The following TECRL variants were observed in gnomAD, a reference collection of about 807,000 sequenced individuals.
The protein encoded by TECRL is trans-2,3-enoyl-CoA reductase like, also known as trans-2,3-enoyl-CoA reductase-like.
In TECRL, 63 loss-of-function variants were observed where a neutral mutation model predicts 52.8. The ratio of observed to expected loss-of-function variants is 1.19; its 90% CI spans 0.97 to 1.47. TECRL has a LOEUF of 1.47. Among genes scored for constraint, TECRL ranks in the 40% most tolerant of loss-of-function variants. The pLI is 0.00. For synonymous variants in TECRL, 164 were observed against 141.9 expected (o/e 1.16, Z -1.10); for missense variants, 482 against 429.6 (o/e 1.12, Z -1.08).
chr4:64,313,242 T>C (rs545354873), intron 5 of TECRL, among the ~76,000 whole-genome samples: 7 of 152,152 alleles, frequency 4.6e-5, no homozygotes, highest in Admixed American at 4.6e-4. Context: ...ACCTAAATAC[T>C]TACAATTTGC....
At chr4:64,343,050 T>TA (rs1719700836) in intron 2 of TECRL, among the ~76,000 whole-genome samples, 2 of 151,868 alleles carry the variant, frequency 1.3e-5, no homozygotes, top group East Asian at 1.9e-4. Context: ...ATGTTTCTAA[T>TA]AAAAAATTCA....
intron 2 of TECRL, among the ~76,000 whole-genome samples, chr4:64,339,457 T>A (rs945381263): frequency 2.0e-5 from 3 of 151,702 alleles, no homozygotes; most frequent in African/African-American, 7.3e-5. Flanking sequence ...TATATATATA[T>A]ATATGGAAAA....
chr4:64,292,293 TAAAC>T lies in TECRL; in HGVS notation c.775-2530_775-2527del, dbSNP rs148656382. Reference sequence around the variant, plus strand: ...ACAGTAAGTTTAAAAAGAAATTTAATAAACAAAGTTTGGGGCAGATGCTATGAAG... The same window carrying T: ...ACAGTAAGTTTAAAAAGAAATTTAATAAAGTTTGGGGCAGATGCTATGAAG... On this transcript the variant is annotated intron_variant, in intron 8 of 11. Coordinates refer to ENST00000381210, the MANE Select transcript of TECRL (RefSeq NM_001010874.5). 2.8e-3 allele frequency among the ~76,000 whole-genome samples: 431 copies of T among 152,138 alleles called. 1 individual carries two copies. Among genetic ancestry groups the T allele is most frequent in the African/African-American group, 9.9e-3 (410 of 41,570 alleles).
Position 64,347,480 on chromosome 4 carries a change from A to C in TECRL, c.287-18924T>G, listed in dbSNP as rs528316911. ...AGTTCATTTTCACACAACTGTAAAG[A>C]TACTACCCAAGACAGGCAATTTATA... On this transcript the variant is annotated intron_variant, in intron 2 of 11. Transcript: ENST00000381210. Among the ~76,000 whole-genome samples, 4 of 152,284 alleles carry C rather than the reference A, an allele frequency of 2.6e-5. No homozygotes were observed. The South Asian group carries it at 8.3e-4, about 32-fold the overall frequency.
At chr4:64,377,400 A>G (rs1375115658) in intron 1 of TECRL, among the ~76,000 whole-genome samples, 1 of 152,074 alleles carries the variant, frequency 6.6e-6, no homozygotes, top group Non-Finnish European at 1.5e-5. Flanking sequence ...GACTAAATTG[A>G]TGTCTCAGTG....
chr4:64,309,088 A>G (rs992471173), intron 6 of TECRL, among the ~76,000 whole-genome samples: 1 of 152,128 alleles, frequency 6.6e-6, no homozygotes, highest in African/African-American at 2.4e-5. Flanking sequence ...ATTGATTGTA[A>G]TATCTTCTAT....
chr4:64,304,911 C>T, intron 7 of TECRL: 1 of 269,310 alleles, frequency 3.7e-6, no homozygotes, highest in Non-Finnish European at 6.9e-6. Context: ...GTTGTTTTTT[C>T]ATTTTATTAG....
At chr4:64,358,689 A>G (rs1199795046) in intron 2 of TECRL, among the ~76,000 whole-genome samples, 1 of 151,728 alleles carries the variant, frequency 6.6e-6, no homozygotes, top group African/African-American at 2.4e-5. Flanking sequence ...AACTCATTGT[A>G]TTGAATCTGA....
chr4:64,280,549 T>C (rs1200753415), intron 11 of TECRL, among the ~76,000 whole-genome samples: 1 of 152,130 alleles, frequency 6.6e-6, no homozygotes, highest in Non-Finnish European at 1.5e-5. Flanking sequence ...TAAACCACAT[T>C]AATTGTGATT....
At chr4:64,359,021 C>T (rs1449641466) in intron 2 of TECRL, among the ~76,000 whole-genome samples, 1 of 151,550 alleles carries the variant, frequency 6.6e-6, no homozygotes, top group Non-Finnish European at 1.5e-5. Context: ...ATTTTAAAAG[C>T]TCATGTATTT....
intron 2 of TECRL, among the ~76,000 whole-genome samples, chr4:64,336,183 T>C (rs1288908269): frequency 6.6e-6 from 1 of 152,238 alleles, no homozygotes; most frequent in Non-Finnish European, 1.5e-5. Flanking sequence ...ATTGCCTCAA[T>C]TTCAGAGCCT....
At position 64,321,202 on chromosome 4, in the gene TECRL, CTG is replaced by C. The variant is rs577353074; in HGVS notation, c.435+1485_435+1486del. On this transcript the variant is annotated intron_variant, in intron 4 of 11. Transcript: ENST00000381210. ...GGGAAATATATCTTAAAAAGAAAGA[CTG>C]TTAGAAAATATTCACAGATGTAGCA... Among the ~76,000 whole-genome samples, 352 of 151,764 alleles carry C rather than the reference CTG, an allele frequency of 2.3e-3. 1 individual carries two copies. Among genetic ancestry groups the C allele is most frequent in the African/African-American group, 8.2e-3 (339 of 41,462 alleles).
chr4:64,348,217 GGCAAAGACGAA>G (rs1720128072), intron 2 of TECRL, among the ~76,000 whole-genome samples: 2 of 152,098 alleles, frequency 1.3e-5, no homozygotes, highest in Non-Finnish European at 2.9e-5. Flanking sequence ...CATGGCGGAA[GGCAAAGACGAA>G]GCAAGGACCT....
At chr4:64,276,932 T>C, downstream of TECRL, 1 of 844,666 alleles carries the variant, frequency 1.2e-6, no homozygotes, top group Non-Finnish European at 1.8e-6. Context: ...AGGTTAGGTT[T>C]TAAAGGCTAA....
chr4:64,353,627 T>G (rs1044731873), intron 2 of TECRL, among the ~76,000 whole-genome samples: 1 of 152,114 alleles, frequency 6.6e-6, no homozygotes, highest in East Asian at 1.9e-4. Context: ...CAAGAAAACA[T>G]GCTGAAGTTG....
chr4:64,385,547 G>A (rs1303317070), intron 1 of TECRL, among the ~76,000 whole-genome samples: 1 of 152,090 alleles, frequency 6.6e-6, no homozygotes, highest in East Asian at 1.9e-4. Context: ...CATCCGAGCT[G>A]CTATGTCCAT....
At chr4:64,320,431 TA>T (rs1253149275) in intron 4 of TECRL, among the ~76,000 whole-genome samples, 1 of 152,006 alleles carries the variant, frequency 6.6e-6, no homozygotes, top group African/African-American at 2.4e-5. Flanking sequence ...GTAATGTGTA[TA>T]TTTTTAGCAT....
intron 2 of TECRL, among the ~76,000 whole-genome samples, chr4:64,340,160 A>C (rs1443389172): frequency 1.3e-5 from 2 of 152,176 alleles, no homozygotes; most frequent in East Asian, 3.9e-4. Flanking sequence ...TGCTCCATGG[A>C]GCTGGCAGAA....
At chr4:64,388,399 A>G (rs1241418462) in intron 1 of TECRL, among the ~76,000 whole-genome samples, 1 of 151,716 alleles carries the variant, frequency 6.6e-6, no homozygotes, top group Non-Finnish European at 1.5e-5. Flanking sequence ...TTCTTTCACT[A>G]ATATCACATT....
Sources: gnomAD v4.1 joint callset for allele counts (sites outside exome capture counted in the v4.1 genomes callset) on GRCh38, gnomAD v4.1.1 for gene constraint, MANE v1.5 for transcripts, NCBI Gene and HGNC (gene_info 2026-07-23, HGNC 2026-07-21) for gene names.